MTR: variants seen among roughly 807,000 people sequenced by gnomAD.
The protein encoded by MTR is methionine synthase.
A neutral mutation model predicts 154.8 loss-of-function variants in MTR; 84 were observed. That is an observed-to-expected ratio of 0.54 (90% confidence interval 0.45 to 0.65). The LOEUF (loss-of-function observed/expected upper bound fraction) is 0.65. Among genes scored for constraint, MTR ranks in the 30% least tolerant of loss-of-function variants. The probability of loss-of-function intolerance (pLI) is 0.00; values close to 1 mark genes in which losing one functional copy is unlikely to be tolerated. For missense variants in MTR, 1,275 were observed against 1,570.2 expected, an observed-to-expected ratio of 0.81 and a Z score of 3.18; for synonymous variants, 554 against 553.9, an observed-to-expected ratio of 1.00 and a Z score of 0.00.
chr1:236,839,244 A>G (rs554487563), intron 15 of MTR, among the ~76,000 whole-genome samples: 1 of 152,350 alleles, frequency 6.6e-6, no homozygotes, highest in Non-Finnish European at 1.5e-5. Context: ...CCAACCATAT[A>G]CTAAAATAAA....
chr1:236,833,904 C>T (rs1204121328), intron 13 of MTR, among the ~76,000 whole-genome samples: 4 of 152,158 alleles, frequency 2.6e-5, no homozygotes, highest in African/African-American at 9.7e-5. Context: ...TCCATCCATT[C>T]CCCATTAGTC....
intron 16 of MTR, among the ~76,000 whole-genome samples, chr1:236,851,362 A>G (rs555973300): frequency 1.4e-4 from 21 of 152,220 alleles, no homozygotes; most frequent in Non-Finnish European, 2.9e-4. Flanking sequence ...AAATGGCCCC[A>G]TACTAGTGCT....
intron 6 of MTR, among the ~76,000 whole-genome samples, chr1:236,815,142 A>G (rs1661515110): frequency 6.6e-6 from 1 of 152,120 alleles, no homozygotes; most frequent in South Asian, 2.1e-4. Flanking sequence ...ATGTGTATGA[A>G]AGGATGTGAA....
chr1:236,890,458 A>G (rs1402012470), intron 28 of MTR, among the ~76,000 whole-genome samples: 2 of 152,274 alleles, frequency 1.3e-5, no homozygotes, highest in East Asian at 3.9e-4. Flanking sequence ...TTCCCTGTAC[A>G]CATACAATTC....
intron 32 of MTR, 145 bp from the exon 33 acceptor site, chr1:236,897,413 A>G: frequency 1.2e-6 from 1 of 835,580 alleles, no homozygotes; most frequent in Non-Finnish European, 2.0e-6. Context: ...CTTGGTAGAT[A>G]AATATCTATC....
intron 20 of MTR, 132 bp downstream of exon 20, chr1:236,861,409 T>G: frequency 7.6e-7 from 1 of 1,320,108 alleles, no homozygotes; most frequent in Admixed American, 1.8e-5. Context: ...TCATTCCTTC[T>G]CTAAATATGT....
chr1:236,845,882 C>G (rs548060166), intron 15 of MTR, among the ~76,000 whole-genome samples: 1 of 152,200 alleles, frequency 6.6e-6, no homozygotes, highest in South Asian at 2.1e-4. Context: ...TTGGATGTAG[C>G]AATCAGTTAA....
In MTR at chr1:236,815,690, C is replaced by A. The variant is rs1389219664; in HGVS notation, c.669+27C>A. The A allele has an allele frequency of 2.0e-6, 3 of 1,523,184 alleles. No individual in the cohort carries two copies. In the South Asian group the frequency reaches 3.4e-5, roughly 17 times the overall value. 94.4% of individuals were successfully genotyped at this position (1,523,184 alleles called of 1,614,324 possible). On this transcript the variant is annotated intron_variant, in intron 7 of 32. Coordinates refer to ENST00000366577, the MANE Select transcript of MTR (RefSeq NM_000254.3). Reference sequence around the variant, plus strand: ...TAAGTTCTAAAGTGTTTGCACAATACATTCTTTTATTAATAATTGTCCTTT... The same window carrying A: ...TAAGTTCTAAAGTGTTTGCACAATAAATTCTTTTATTAATAATTGTCCTTT...
intron 6 of MTR, among the ~76,000 whole-genome samples, chr1:236,814,965 C>T (rs1032070711): frequency 2.0e-5 from 3 of 152,114 alleles, no homozygotes; most frequent in Non-Finnish European, 4.4e-5. Flanking sequence ...TGAAAACATA[C>T]ATATCTTAGA....
At chr1:236,865,527 T>A (rs1239036495) in intron 22 of MTR, among the ~76,000 whole-genome samples, 1 of 152,234 alleles carries the variant, frequency 6.6e-6, no homozygotes, top group Admixed American at 6.5e-5. Context: ...CTTTCCTGGC[T>A]TTTTATCATT....
intron 22 of MTR, among the ~76,000 whole-genome samples, chr1:236,867,786 G>C (rs1003117562): frequency 1.3e-5 from 2 of 152,218 alleles, no homozygotes; most frequent in African/African-American, 4.8e-5. Flanking sequence ...CGATGTGGTA[G>C]AAATAGCAAG....
intron 18 of MTR, among the ~76,000 whole-genome samples, chr1:236,856,207 A>G (rs1664193528): frequency 6.6e-6 from 1 of 152,108 alleles, no homozygotes; most frequent in East Asian, 1.9e-4. Context: ...GAGTGTTTGG[A>G]ACACACCGCC....
intron 8 of MTR, among the ~76,000 whole-genome samples, chr1:236,823,051 T>A (rs941185821): frequency 6.6e-5 from 10 of 152,212 alleles, no homozygotes; most frequent in African/African-American, 2.4e-4. Flanking sequence ...GTATTGGATG[T>A]TTGTTAAATA....
At chr1:236,881,305 C>A (rs2147903893) in intron 25 of MTR, among the ~76,000 whole-genome samples, 1 of 152,310 alleles carries the variant, frequency 6.6e-6, no homozygotes, top group Middle Eastern at 3.4e-3. Flanking sequence ...CTGTGAACAT[C>A]ATAAACAATT....
rs762017001 is a variant in MTR at position 236,880,747 on chromosome 1, CT to C, written c.2595-3del. ...TGGATATATTTTCTTTCTGACCCTTCTTTTTAGAACCCACACAGCAGTTAAA... is the reference window on the plus strand; with the variant it reads ...TGGATATATTTTCTTTCTGACCCTTCTTTTAGAACCCACACAGCAGTTAAA... On this transcript the variant is annotated splice_polypyrimidine_tract_variant and splice_region_variant and intron_variant, in intron 24 of 32. Transcript: ENST00000366577. 8.1e-5 allele frequency: 130 copies of C among 1,613,268 alleles called. No homozygotes were observed. The highest frequency in any genetic ancestry group is 1.1e-4 in the Non-Finnish European group (126 of 1,179,340).
intron 3 of MTR, 67 bp from the exon 4 acceptor site, chr1:236,808,637 C>T (rs879013922): frequency 6.9e-7 from 1 of 1,449,664 alleles, no homozygotes; most frequent in African/African-American, 1.4e-5. Flanking sequence ...ATTAGATGGT[C>T]ATGAATCCAT....
At chr1:236,888,823 ACATGTTCTTCATGTTCTTT>A (rs1372741925) in intron 27 of MTR, among the ~76,000 whole-genome samples, 2 of 152,150 alleles carry the variant, frequency 1.3e-5, no homozygotes, top group African/African-American at 4.8e-5. Flanking sequence ...GTCTTTCTGG[ACATGTTCTTCATGTTCTTT>A]CATGTTCTTC....
rs1308279703 is a variant in MTR at position 236,810,459 on chromosome 1, T to A, written c.410-44T>A. On this transcript the variant is annotated intron_variant, in intron 4 of 32. Transcript: ENST00000366577. ...GGCTATTCATTCACGACAAAAAATG[T>A]TCAGCCACTTAGAGATCTCACACTT... 4.0e-6 allele frequency: 6 copies of A among 1,497,312 alleles called. No individual in the cohort carries two copies. In the African/African-American group the frequency reaches 4.1e-5, roughly 10 times the overall value. 92.8% of individuals were successfully genotyped at this position (1,497,312 alleles called of 1,614,324 possible).
At chr1:236,862,455 A>G in intron 21 of MTR, 112 bp downstream of exon 21, 1 of 812,008 alleles carries the variant, frequency 1.2e-6, no homozygotes, top group Non-Finnish European at 2.1e-6. Context: ...TTGAGGATAA[A>G]ATAGAGAAAT....
Sources: gnomAD v4.1 joint callset for allele counts (sites outside exome capture counted in the v4.1 genomes callset) on GRCh38, gnomAD v4.1.1 for gene constraint, MANE v1.5 for transcripts, NCBI Gene and HGNC (gene_info 2026-07-23, HGNC 2026-07-21) for gene names.